Variants in DOCK3 observed in about 807,000 individuals in gnomAD.
DOCK3 encodes dedicator of cytokinesis 3.
A neutral mutation model predicts 265.6 loss-of-function variants in DOCK3; 60 were observed. The observed-to-expected ratio is 0.23, with a 90% CI of 0.18 to 0.28. The LOEUF (loss-of-function observed/expected upper bound fraction) is 0.28. Among genes scored for constraint, DOCK3 ranks in the 10% least tolerant of loss-of-function variants. The probability of loss-of-function intolerance (pLI) is 1.00; values close to 1 mark genes in which losing one functional copy is unlikely to be tolerated. For missense variants in DOCK3, 1,981 were observed against 2,594.3 expected (o/e 0.76, Z 5.14); for synonymous variants, 881 against 938.0 (o/e 0.94, Z 1.11).
chr3:50,930,425 C>A (rs2050996217), intron 4 of DOCK3, among the ~76,000 whole-genome samples: 2 of 152,286 alleles, frequency 1.3e-5, no homozygotes, highest in Middle Eastern at 3.4e-3. Flanking sequence ...CCCAGGGAGA[C>A]CCAGGTCCAC....
intron 5 of DOCK3, among the ~76,000 whole-genome samples, chr3:51,041,533 A>C (rs2080532690): frequency 6.6e-6 from 1 of 152,026 alleles, no homozygotes; most frequent in African/African-American, 2.4e-5. Flanking sequence ...GTATTTCTTA[A>C]GTAATAAGAC....
chr3:50,960,371 T>C (rs993838118), intron 5 of DOCK3, among the ~76,000 whole-genome samples: 3 of 152,212 alleles, frequency 2.0e-5, no homozygotes, highest in Admixed American at 1.3e-4. Context: ...TATCATTGTC[T>C]CCCTTTTTAA....
chr3:51,249,585 G>T (rs2079074108), intron 22 of DOCK3, among the ~76,000 whole-genome samples: 1 of 118,188 alleles, frequency 8.5e-6, no homozygotes, highest in Non-Finnish European at 1.8e-5. Context: ...CAGCCGCCCA[G>T]TCCGGGAGGG....
At chr3:51,348,753 G>A in intron 38 of DOCK3, 99 bp from the exon 39 acceptor site, 3 of 1,213,856 alleles carry the variant, frequency 2.5e-6, no homozygotes, top group South Asian at 1.3e-5. Context: ...GTTGGAGCTG[G>A]CGGGAGACCT....
At chr3:50,924,195 G>A (rs1469796854) in intron 4 of DOCK3, among the ~76,000 whole-genome samples, 2 of 152,186 alleles carry the variant, frequency 1.3e-5, no homozygotes, top group Non-Finnish European at 2.9e-5. Flanking sequence ...GTCATTAGGT[G>A]TGAGAATGAG....
Position 51,170,297 on chromosome 3 carries a change from T to TTTTTGCGGGA in DOCK3, c.1037+9604_1037+9605insATTTTGCGGG, listed in dbSNP as rs573041913. On this transcript the variant is annotated intron_variant, in intron 12 of 52. Coordinates refer to ENST00000266037, the MANE Select transcript of DOCK3 (RefSeq NM_004947.5). ...GAAAATGATCCCTTCACTTCATTTT[T>TTTTTGCGGGA]TTTTGCGGGGGAGTTTGAGAAGGAT... Among the ~76,000 whole-genome samples, 78 of 152,310 alleles carry TTTTTGCGGGA rather than the reference T, an allele frequency of 5.1e-4. 2 individuals carry two copies. The South Asian group carries it at 0.016, about 31-fold the overall frequency.
At chr3:51,309,207 C>T (rs1232160340) in intron 27 of DOCK3, among the ~76,000 whole-genome samples, 7 of 152,306 alleles carry the variant, frequency 4.6e-5, no homozygotes, top group Middle Eastern at 3.4e-3. Flanking sequence ...GCTGCAATCT[C>T]GGCACTTTGG....
At chr3:51,328,560 A>G (rs543257039) in intron 32 of DOCK3, among the ~76,000 whole-genome samples, 51 of 151,870 alleles carry the variant, frequency 3.4e-4, no homozygotes, top group South Asian at 2.1e-3. Context: ...TGTATATTCA[A>G]GCAACTCACT....
chr3:50,822,771 G>A (rs1314670990), intron 2 of DOCK3, among the ~76,000 whole-genome samples: 3 of 152,160 alleles, frequency 2.0e-5, no homozygotes, highest in Non-Finnish European at 4.4e-5. Context: ...TGGGATTATA[G>A]GCATGGGCCA....
At chr3:50,769,943 C>G (rs566922136) in intron 1 of DOCK3, among the ~76,000 whole-genome samples, 2 of 151,084 alleles carry the variant, frequency 1.3e-5, no homozygotes, top group Admixed American at 1.3e-4. Context: ...ATATTGAAAA[C>G]TACAGACTTC....
At chr3:50,818,520 A>G (rs2044222700) in intron 2 of DOCK3, among the ~76,000 whole-genome samples, 1 of 152,250 alleles carries the variant, frequency 6.6e-6, no homozygotes, top group Non-Finnish European at 1.5e-5. Context: ...AAAATGTTAT[A>G]GTTCCTCTGT....
intron 2 of DOCK3, among the ~76,000 whole-genome samples, chr3:50,793,283 T>C (rs909423301): frequency 2.0e-5 from 3 of 152,098 alleles, no homozygotes; most frequent in Non-Finnish European, 2.9e-5. Flanking sequence ...TTGTGTTTAT[T>C]TGGATATTCA....
intron 19 of DOCK3, among the ~76,000 whole-genome samples, chr3:51,233,630 A>G (rs1576483466): frequency 6.6e-6 from 1 of 152,102 alleles, no homozygotes; most frequent in East Asian, 1.9e-4. Context: ...CGGCCTCCCA[A>G]AGTGCTGGGA....
chr3:51,250,062 T>C (rs2079116458), intron 22 of DOCK3, among the ~76,000 whole-genome samples: 3 of 151,838 alleles, frequency 2.0e-5, no homozygotes, highest in African/African-American at 4.8e-5. Flanking sequence ...GTTAAACAGA[T>C]GCTTGAAGGC....
At chr3:51,238,256 C>T (rs2108491450) in intron 21 of DOCK3, among the ~76,000 whole-genome samples, 1 of 150,546 alleles carries the variant, frequency 6.6e-6, no homozygotes, top group Non-Finnish European at 1.5e-5. Context: ...CATTCTCCTG[C>T]CTCAGCCTCC....
At chr3:51,156,833 C>T (rs560549204) in intron 10 of DOCK3, among the ~76,000 whole-genome samples, 110 of 152,182 alleles carry the variant, frequency 7.2e-4, no homozygotes, top group African/African-American at 2.6e-3. Context: ...AGTGATTATA[C>T]GAGTCATTTG....
intron 10 of DOCK3, among the ~76,000 whole-genome samples, chr3:51,148,768 A>G (rs2107328864): frequency 1.3e-5 from 2 of 152,270 alleles, no homozygotes; most frequent in Middle Eastern, 6.8e-3. Context: ...GTTTGAAGTC[A>G]GGTAATGTGA....
intron 5 of DOCK3, among the ~76,000 whole-genome samples, chr3:51,013,433 T>G (rs1391472732): frequency 6.6e-6 from 1 of 152,210 alleles, no homozygotes; most frequent in Non-Finnish European, 1.5e-5. Context: ...GTTGGAGTTT[T>G]TTGGAGGTCC....
chr3:50,675,136 C>T lies in DOCK3; in HGVS notation c.-128C>T, dbSNP rs2033837868. The T allele has an allele frequency of 1.7e-6, 1 of 586,056 alleles. No individual in the cohort carries two copies. The highest frequency in any genetic ancestry group is 2.2e-6 in the Non-Finnish European group (1 of 459,960). 36.3% of individuals were successfully genotyped at this position (586,056 alleles called of 1,614,324 possible). On this transcript the variant is annotated 5_prime_UTR_variant, in exon 1 of 53. Coordinates refer to ENST00000266037, the MANE Select transcript of DOCK3 (RefSeq NM_004947.5). The surrounding 1 kb of genome is among the most constrained non-coding windows in gnomAD (Gnocchi z 6.1). ...TCCCGGACGGCCTGTGAGGGATGCGCCGCCCACTGCCCCGCGCCGCCTGAC... is the reference window on the plus strand; with the variant it reads ...TCCCGGACGGCCTGTGAGGGATGCGTCGCCCACTGCCCCGCGCCGCCTGAC...
Sources: gnomAD v4.1 joint callset for allele counts (sites outside exome capture counted in the v4.1 genomes callset) on GRCh38, gnomAD v4.1.1 for gene constraint, Gnocchi (gnomAD v3.1) non-coding constraint, MANE v1.5 for transcripts, NCBI Gene and HGNC (gene_info 2026-07-23, HGNC 2026-07-21) for gene names.